The following TRPS1 variants were observed in gnomAD, a reference collection of about 807,000 sequenced individuals.
The protein encoded by TRPS1 is zinc finger transcription factor Trps1.
Under a neutral mutation model 101.2 loss-of-function variants are expected in TRPS1, and 6 were observed. The ratio of observed to expected loss-of-function variants is 0.06; its 90% CI spans 0.03 to 0.12. The LOEUF is 0.12. TRPS1 is among the 10% of genes least tolerant of loss of function. The pLI is 1.00. For synonymous variants in TRPS1, 578 were observed against 589.8 expected (o/e 0.98, Z 0.29); for missense variants, 1,363 against 1,567.0 (o/e 0.87, Z 2.20).
chr8:115,520,548 C>G (rs1490376920), intron 5 of TRPS1, among the ~76,000 whole-genome samples: 1 of 151,684 alleles, frequency 6.6e-6, no homozygotes, highest in African/African-American at 2.4e-5. Context: ...TTATTTTTAT[C>G]TGTTAGCACT....
chr8:115,605,690 C>T (rs1030979483), intron 3 of TRPS1, among the ~76,000 whole-genome samples: 2 of 152,138 alleles, frequency 1.3e-5, no homozygotes, highest in Non-Finnish European at 2.9e-5. Context: ...GAAAAATCTT[C>T]CATGCCTTAT....
At chr8:115,431,923 T>C (rs73705194) in intron 5 of TRPS1, among the ~76,000 whole-genome samples, 1,704 of 152,010 alleles carry the variant, frequency 0.011, 34 homozygotes, top group African/African-American at 0.039. Flanking sequence ...GGCTACTTTA[T>C]AAATATATAT....
At chr8:115,593,140 G>A (rs1817714654) in intron 4 of TRPS1, among the ~76,000 whole-genome samples, 2 of 152,090 alleles carry the variant, frequency 1.3e-5, no homozygotes, top group Middle Eastern at 3.4e-3. Context: ...TTTTATGAAT[G>A]GCAACATTGT....
At chr8:115,577,981 C>T (rs1194246307) in intron 5 of TRPS1, among the ~76,000 whole-genome samples, 1 of 152,070 alleles carries the variant, frequency 6.6e-6, no homozygotes, top group Non-Finnish European at 1.5e-5. Flanking sequence ...AATTATTCGC[C>T]CGAGAAAGGC....
intron 1 of TRPS1, among the ~76,000 whole-genome samples, chr8:115,634,356 T>C (rs1818719232): frequency 6.6e-6 from 1 of 152,190 alleles, no homozygotes; most frequent in Admixed American, 6.5e-5. Context: ...ATGCTTTACA[T>C]GTTTTACTGC....
chr8:115,618,553 T>A (rs2130529328), intron 3 of TRPS1, among the ~76,000 whole-genome samples: 1 of 152,358 alleles, frequency 6.6e-6, no homozygotes, highest in Non-Finnish European at 1.5e-5. Context: ...GTCATTCTGC[T>A]GTCCCTAATA....
intron 5 of TRPS1, among the ~76,000 whole-genome samples, chr8:115,545,055 T>C (rs893198509): frequency 2.6e-5 from 4 of 152,174 alleles, no homozygotes; most frequent in African/African-American, 9.6e-5. Context: ...GTATTTTTAG[T>C]ATCTTCCAAA....
At chr8:115,601,593 A>G (rs1477496022) in intron 4 of TRPS1, among the ~76,000 whole-genome samples, 2 of 152,212 alleles carry the variant, frequency 1.3e-5, no homozygotes, top group Non-Finnish European at 2.9e-5. Flanking sequence ...GGATTTAAAC[A>G]TAAGTGCAAG....
chr8:115,663,523 TTTG>T (rs1811854371), intron 1 of TRPS1, among the ~76,000 whole-genome samples: 1 of 151,920 alleles, frequency 6.6e-6, no homozygotes, highest in Non-Finnish European at 1.5e-5. Flanking sequence ...TTAAAAGTTT[TTTG>T]TTATTATTTT....
intron 5 of TRPS1, among the ~76,000 whole-genome samples, chr8:115,514,156 C>T (rs1305791836): frequency 1.3e-5 from 2 of 151,764 alleles, no homozygotes; most frequent in African/African-American, 4.8e-5. Flanking sequence ...TGACTCCCTT[C>T]TCTAAGATAC....
At chr8:115,531,252 G>A (rs1351681742) in intron 5 of TRPS1, among the ~76,000 whole-genome samples, 1 of 152,148 alleles carries the variant, frequency 6.6e-6, no homozygotes, top group Non-Finnish European at 1.5e-5. Context: ...AAGTAATAGA[G>A]AAAGGCTTCC....
At chr8:115,522,843 G>C (rs1036821997) in intron 5 of TRPS1, among the ~76,000 whole-genome samples, 4 of 151,988 alleles carry the variant, frequency 2.6e-5, no homozygotes, top group African/African-American at 7.2e-5. Flanking sequence ...CAGATAACAG[G>C]GATGTGGTTT....
At position 115,619,118 on chromosome 8, in the gene TRPS1, T is replaced by C. The variant is rs1818328849; in HGVS notation, c.966+14A>G. On this transcript the variant is annotated intron_variant, in intron 3 of 6. Transcript: ENST00000395715. ...TAACTTTTTCTGTACAAAGAGACAATACAAAGTACAAACCTGCACATCATA... is the reference window on the plus strand; with the variant it reads ...TAACTTTTTCTGTACAAAGAGACAACACAAAGTACAAACCTGCACATCATA... The C allele has an allele frequency of 6.2e-7, 1 of 1,613,540 alleles. No individual in the cohort carries two copies. Among genetic ancestry groups the C allele is most frequent in the East Asian group, 2.2e-5 (1 of 44,820 alleles).
intron 5 of TRPS1, among the ~76,000 whole-genome samples, chr8:115,568,500 T>C (rs754909529): frequency 6.6e-5 from 10 of 152,080 alleles, no homozygotes; most frequent in Non-Finnish European, 1.3e-4. Context: ...TAAAAAATTA[T>C]CAACAAATTA....
intron 1 of TRPS1, among the ~76,000 whole-genome samples, chr8:115,643,469 C>A (rs1276659237): frequency 6.6e-6 from 1 of 152,224 alleles, no homozygotes; most frequent in Non-Finnish European, 1.5e-5. Context: ...TCTCAAGAAA[C>A]CACTTTCTTT....
chr8:115,422,511 C>T lies in TRPS1; in HGVS notation c.2701-4059G>A, dbSNP rs577282271. ...CTTCCAGAGTAGCTGGGATTACAGA[C>T]GCCCGCCACCATGCCTGGCTAATTC... On this transcript the variant is annotated intron_variant, in intron 5 of 6. Transcript: ENST00000395715. 7.2e-5 allele frequency among the ~76,000 whole-genome samples: 11 copies of T among 152,178 alleles called. No homozygotes were observed. The South Asian group carries it at 8.3e-4, about 11-fold the overall frequency.
chr8:115,517,875 T>G (rs140520371), intron 5 of TRPS1, among the ~76,000 whole-genome samples: 370 of 151,876 alleles, frequency 2.4e-3, no homozygotes, highest in African/African-American at 8.4e-3. Flanking sequence ...CAATCCTGGT[T>G]GACTGGGTTT....
At chr8:115,436,475 C>T (rs1813457387) in intron 5 of TRPS1, among the ~76,000 whole-genome samples, 1 of 152,178 alleles carries the variant, frequency 6.6e-6, no homozygotes, top group Non-Finnish European at 1.5e-5. Context: ...CCCTGCCCCA[C>T]CATGGCCAGG....
At position 115,528,017 on chromosome 8, in the gene TRPS1, T is replaced by C. The variant is rs929113276; in HGVS notation, c.2700+58984A>G. Among the ~76,000 whole-genome samples the C allele has an allele frequency of 2.0e-5, 3 of 152,192 alleles. No homozygotes were observed. In the South Asian group the frequency reaches 6.2e-4, roughly 32 times the overall value. On this transcript the variant is annotated intron_variant, in intron 5 of 6. Transcript: ENST00000395715. ...AAGCATAATCAATTGCTTGTTCATA[T>C]ATCCCAAATGGAGAATTATAAATTG... is the stretch of plus-strand genomic sequence containing the variant.
Sources: gnomAD v4.1 joint callset for allele counts (sites outside exome capture counted in the v4.1 genomes callset) on GRCh38, gnomAD v4.1.1 for gene constraint, MANE v1.5 for transcripts, NCBI Gene and HGNC (gene_info 2026-07-23, HGNC 2026-07-21) for gene names.